SPAG16: variants seen among roughly 807,000 people sequenced by gnomAD.
SPAG16 encodes sperm-associated antigen 16 protein.
In SPAG16, 86 loss-of-function variants were observed where a neutral mutation model predicts 80.4. That is an observed-to-expected ratio of 1.07 (90% CI 0.90 to 1.28). SPAG16 has a LOEUF of 1.28. SPAG16 is among the 50% of genes most tolerant of loss of function. The pLI is 0.00. For missense variants in SPAG16, 870 were observed against 765.3 expected, an observed-to-expected ratio of 1.14 and a Z score of -1.61; for synonymous variants, 294 against 265.9, an observed-to-expected ratio of 1.11 and a Z score of -1.03.
intron 15 of SPAG16, among the ~76,000 whole-genome samples, chr2:214,154,787 A>T (rs527911043): frequency 6.6e-6 from 1 of 152,300 alleles, no homozygotes; most frequent in Non-Finnish European, 1.5e-5. Context: ...ATTTAAAATG[A>T]TAAAAATCTG....
At chr2:213,557,212 TA>T (rs2059452163) in intron 10 of SPAG16, among the ~76,000 whole-genome samples, 1 of 152,186 alleles carries the variant, frequency 6.6e-6, no homozygotes, top group African/African-American at 2.4e-5. Flanking sequence ...ATCTCTATAA[TA>T]ATGAGTTACC....
At chr2:214,318,877 T>C (rs1695881878) in intron 15 of SPAG16, among the ~76,000 whole-genome samples, 1 of 152,090 alleles carries the variant, frequency 6.6e-6, no homozygotes, top group Non-Finnish European at 1.5e-5. Context: ...CGAGCTGAAG[T>C]AGAGGCAAGC....
At chr2:213,355,204 T>G (rs1390511908) in intron 7 of SPAG16, among the ~76,000 whole-genome samples, 1 of 152,180 alleles carries the variant, frequency 6.6e-6, no homozygotes, top group African/African-American at 2.4e-5. Flanking sequence ...GAGGCCTCTG[T>G]TCTGTTCCAC....
At position 213,442,153 on chromosome 2, in the gene SPAG16, A is replaced by G. The variant is rs552472584; in HGVS notation, c.943-47810A>G. ...ACAAAGTGAGACTCCGTCTCAAAAAACAAACAAACCGAAACCACTATATCA... is the reference window on the plus strand; with the variant it reads ...ACAAAGTGAGACTCCGTCTCAAAAAGCAAACAAACCGAAACCACTATATCA... On this transcript the variant is annotated intron_variant, in intron 9 of 15. Coordinates refer to ENST00000331683, the MANE Select transcript of SPAG16 (RefSeq NM_024532.5). Among the ~76,000 whole-genome samples the G allele has an allele frequency of 2.9e-3, 440 of 152,226 alleles. 5 individuals carry two copies. Among genetic ancestry groups the G allele is most frequent in the Non-Finnish European group, 5.0e-3 (342 of 68,032 alleles).
At chr2:214,037,788 G>A (rs1486123727) in intron 13 of SPAG16, among the ~76,000 whole-genome samples, 1 of 151,154 alleles carries the variant, frequency 6.6e-6, no homozygotes, top group Non-Finnish European at 1.5e-5. Flanking sequence ...CATATTTAAT[G>A]CTTCTTAGCA....
chr2:214,298,508 A>G (rs1462419209), intron 15 of SPAG16, among the ~76,000 whole-genome samples: 1 of 152,156 alleles, frequency 6.6e-6, no homozygotes, highest in Admixed American at 6.5e-5. Flanking sequence ...TGGAACCTAA[A>G]GGAGAAAATC....
At chr2:214,210,222 A>G (rs542854839) in intron 15 of SPAG16, among the ~76,000 whole-genome samples, 8 of 152,208 alleles carry the variant, frequency 5.3e-5, no homozygotes, top group African/African-American at 1.9e-4. Flanking sequence ...GATCCTTATG[A>G]TAATTTTGAG....
At chr2:214,245,221 T>C (rs1222698751) in intron 15 of SPAG16, among the ~76,000 whole-genome samples, 1 of 152,186 alleles carries the variant, frequency 6.6e-6, no homozygotes, top group East Asian at 1.9e-4. Flanking sequence ...TTAGGATTTA[T>C]ATAGATTTAT....
chr2:213,964,687 A>G (rs1416138423), intron 12 of SPAG16, among the ~76,000 whole-genome samples: 1 of 152,162 alleles, frequency 6.6e-6, no homozygotes, highest in Non-Finnish European at 1.5e-5. Context: ...CAGAAAGCCC[A>G]AAGAACTCAA....
intron 12 of SPAG16, among the ~76,000 whole-genome samples, chr2:213,990,500 A>C (rs1272822925): frequency 6.6e-6 from 1 of 152,152 alleles, no homozygotes; most frequent in Non-Finnish European, 1.5e-5. Flanking sequence ...CTGATAAGTT[A>C]ATTGACACAA....
intron 12 of SPAG16, among the ~76,000 whole-genome samples, chr2:213,965,715 T>G (rs1460848201): frequency 6.6e-6 from 1 of 152,218 alleles, no homozygotes; most frequent in Admixed American, 6.5e-5. Flanking sequence ...TTCTCCATAC[T>G]TTGTTCTAAA....
At chr2:213,311,639 G>A (rs1198294397) in intron 4 of SPAG16, among the ~76,000 whole-genome samples, 3 of 151,516 alleles carry the variant, frequency 2.0e-5, no homozygotes, top group Non-Finnish European at 3.0e-5. Flanking sequence ...TTAGAATATC[G>A]TGGTTCAAGT....
At chr2:214,253,211 T>C (rs765289703) in intron 15 of SPAG16, among the ~76,000 whole-genome samples, 8 of 152,114 alleles carry the variant, frequency 5.3e-5, no homozygotes, top group South Asian at 2.1e-4. Flanking sequence ...TAGCCCTTTG[T>C]CCAATGGGTA....
intron 10 of SPAG16, among the ~76,000 whole-genome samples, chr2:213,560,222 G>T (rs922772908): frequency 1.7e-4 from 26 of 151,956 alleles, no homozygotes; most frequent in Non-Finnish European, 1.3e-4. Flanking sequence ...AAATTCTAGG[G>T]CATAATAAAG....
chr2:214,323,791 T>C (rs184299972), intron 15 of SPAG16, among the ~76,000 whole-genome samples: 6 of 152,340 alleles, frequency 3.9e-5, no homozygotes, highest in Admixed American at 3.9e-4. Context: ...CATCACACCA[T>C]TAATTATAAA....
At chr2:214,030,584 T>A (rs1310364631) in intron 13 of SPAG16, among the ~76,000 whole-genome samples, 2 of 152,208 alleles carry the variant, frequency 1.3e-5, no homozygotes, top group African/African-American at 4.8e-5. Context: ...TGAAATCAAC[T>A]AAAAATGCAA....
intron 10 of SPAG16, among the ~76,000 whole-genome samples, chr2:213,833,521 A>AT (rs1491409599): frequency 0.022 from 41 of 1,870 alleles, no homozygotes; most frequent in South Asian, 0.083. Context: ...TAATATATAT[A>AT]ATATATATAT....
At chr2:214,222,925 CATTTATTTGAACCAAATGAAT>C (rs2058615411) in intron 15 of SPAG16, among the ~76,000 whole-genome samples, 1 of 152,026 alleles carries the variant, frequency 6.6e-6, no homozygotes, top group Non-Finnish European at 1.5e-5. Context: ...GGTTAAATAC[CATTTATTTGAACCAAATGAAT>C]ATTCAGAAAC....
At chr2:213,990,808 C>T (rs2106449606) in intron 12 of SPAG16, among the ~76,000 whole-genome samples, 1 of 152,060 alleles carries the variant, frequency 6.6e-6, no homozygotes, top group East Asian at 1.9e-4. Flanking sequence ...TATGTTTGCT[C>T]AATATCTCTA....
Sources: gnomAD v4.1 joint callset for allele counts (sites outside exome capture counted in the v4.1 genomes callset) on GRCh38, gnomAD v4.1.1 for gene constraint, MANE v1.5 for transcripts, NCBI Gene and HGNC (gene_info 2026-07-23, HGNC 2026-07-21) for gene names.